The following SMTN variants were observed in gnomAD, a reference collection of about 807,000 sequenced individuals.
SMTN encodes smoothelin.
SMTN carries 58 observed loss-of-function variants against 102.0 expected under a neutral mutation model. The observed-to-expected ratio is 0.57, with a 90% CI of 0.46 to 0.71. SMTN has a LOEUF of 0.71. Among genes scored for constraint, SMTN ranks in the 30% least tolerant of loss-of-function variants. The pLI, the probability that SMTN is intolerant of heterozygous loss-of-function variation, is 0.00. For synonymous variants in SMTN, 478 were observed against 497.9 expected (o/e 0.96, Z 0.53); for missense variants, 1,185 against 1,241.7 (o/e 0.95, Z 0.69).
chr22:31,076,231 A>G (rs746288424), intron 1 of SMTN, among the ~76,000 whole-genome samples: 1 of 152,210 alleles, frequency 6.6e-6, no homozygotes, highest in Non-Finnish European at 1.5e-5. Flanking sequence ...GGGAAGATGC[A>G]GAGCCCTTCT....
In SMTN at chr22:31,082,826, C is replaced by T. The variant is rs577372022; in HGVS notation, c.-80-353C>T. On this transcript the variant is annotated intron_variant, in intron 1 of 20. Transcript: ENST00000333137. ...GGGCAGGAAACTGGAGACTGGAGTG[C>T]ACCCCCTGGTGGTAAGCACAGCTTG... The T allele has an allele frequency of 4.7e-4, 699 of 1,489,892 alleles. 7 individuals carry two copies. The South Asian group carries it at 5.2e-3, about 11-fold the overall frequency. 92.3% of individuals were successfully genotyped at this position (1,489,892 alleles called of 1,614,324 possible). A position where few individuals can be genotyped will look rare whatever the true frequency, so the allele number is the denominator to read the frequency against.
chr22:31,072,272 C>T (rs1305047206), intron 1 of SMTN, among the ~76,000 whole-genome samples: 3 of 152,110 alleles, frequency 2.0e-5, no homozygotes, highest in Non-Finnish European at 4.4e-5. Flanking sequence ...GATGAGGAAA[C>T]TGAGGCCTAG....
intron 3 of SMTN, 188 bp downstream of exon 3, chr22:31,088,301 G>A (rs572712828): frequency 1.9e-5 from 16 of 829,154 alleles, no homozygotes; most frequent in South Asian, 1.1e-4. Context: ...TTGTGGCGTC[G>A]CGGCCGTGCT....
At chr22:31,083,470 G>C in intron 2 of SMTN, 161 bp downstream of exon 2, 1 of 865,092 alleles carries the variant, frequency 1.2e-6, no homozygotes, top group Non-Finnish European at 1.7e-6. Flanking sequence ...GGCTGATGCA[G>C]AGGCCCTTGT....
chr22:31,099,759 G>C lies in SMTN; in HGVS notation c.2466G>C (p.Gln822His). 1.2e-6 allele frequency: 2 copies of C among 1,614,032 alleles called. No individual in the cohort carries two copies. Among genetic ancestry groups the C allele is most frequent in the Non-Finnish European group, 1.7e-6 (2 of 1,179,920 alleles). ...ACGGCTTATAGCACGTCGACATCCA[G>C]AACTTCTCCTCCAGCTGGAGTGATG... Reference protein sequence around the residue: ...KTRGYEHVDIQNFSSSWSDGM... With the variant: ...KTRGYEHVDIHNFSSSWSDGM... Residue 822 changes from glutamine to histidine, a missense_variant, in exon 19 of 21, where the codon CAG (glutamine) becomes CAC (histidine). By Grantham distance (24) the Gln-to-His change is conservative. Coordinates refer to ENST00000333137, the MANE Select transcript of SMTN (RefSeq NM_134269.3).
At chr22:31,072,823 ATC>A (rs1442078797) in intron 1 of SMTN, among the ~76,000 whole-genome samples, 2 of 151,184 alleles carry the variant, frequency 1.3e-5, no homozygotes, top group Non-Finnish European at 2.9e-5. Flanking sequence ...GCAGTGGGCA[ATC>A]TCTGCTTACT....
Position 31,089,748 on chromosome 22 carries a change from C to G in SMTN, c.521C>G (p.Thr174Ser), listed in dbSNP as rs555099143. 119 of 1,609,916 alleles carry G rather than the reference C, an allele frequency of 7.4e-5. No individual in the cohort carries two copies. The East Asian group carries it at 9.1e-4, about 12-fold the overall frequency. ...CAGCAGGCAGAGGTTTCAAAGCCAA[C>G]CCCCACCCCTGAAGGCACCAGCCAG... ...QEQQAEVSKP[T>S]PTPEGTSQDV... Residue 174 changes from threonine (T) to serine (S), a missense_variant, in exon 7 of 21, where the codon ACC becomes AGC. Transcript: ENST00000333137.
At chr22:31,096,955 C>T in intron 14 of SMTN, 43 bp from the exon 15 acceptor site, 3 of 1,612,876 alleles carry the variant, frequency 1.9e-6, no homozygotes, top group South Asian at 2.2e-5. Flanking sequence ...CCTCCCCCAG[C>T]CCCCTGTGCC....
chr22:31,074,411 GC>G (rs1159027823), intron 1 of SMTN, among the ~76,000 whole-genome samples: 2 of 152,054 alleles, frequency 1.3e-5, no homozygotes, highest in Non-Finnish European at 2.9e-5. Flanking sequence ...TAGAATCACA[GC>G]CCTGGGCTTA....
In SMTN at chr22:31,091,689, C is replaced by T. The variant is rs923226642; in HGVS notation, c.1474C>T (p.Leu492=). 6.3e-7 allele frequency: 1 copy of T among 1,596,014 alleles called. No individual in the cohort carries two copies. The highest frequency in any genetic ancestry group is 1.7e-5 in the Admixed American group (1 of 58,838). Residue 492 remains leucine, a synonymous_variant, in exon 11 of 21, where the codon CTG becomes TTG. Coordinates refer to ENST00000333137, the MANE Select transcript of SMTN (RefSeq NM_134269.3). ...TCCCCACTCAGAACTGACACTGGGG[C>T]TGCGGGCGCCCCCGACCCTACTCAG... The part of the protein sequence containing the change: ...GNQRAELTLG[L]RAPPTLLSTS...
intron 1 of SMTN, chr22:31,082,772 G>A: frequency 1.6e-6 from 2 of 1,256,158 alleles, no homozygotes; most frequent in South Asian, 1.5e-5. Flanking sequence ...GTGGGTGGGG[G>A]CTGGGTAGGC....
At chr22:31,083,885 A>G (rs2042478129) in intron 2 of SMTN, among the ~76,000 whole-genome samples, 1 of 152,250 alleles carries the variant, frequency 6.6e-6, no homozygotes. Flanking sequence ...GGGAAAGTCA[A>G]GGCTGGACGA....
intron 11 of SMTN, chr22:31,092,410 A>G: frequency 2.1e-6 from 1 of 467,272 alleles, no homozygotes; most frequent in South Asian, 1.6e-5. Flanking sequence ...GCAGCAGCCT[A>G]GCAGGTGCCT....
upstream of SMTN, among the ~76,000 whole-genome samples, chr22:31,077,371 C>T (rs983226941): frequency 5.5e-5 from 8 of 146,334 alleles, no homozygotes; most frequent in Non-Finnish European, 9.0e-5. Context: ...CAGAGTGAGA[C>T]TCTGTCTCAA....
intron 16 of SMTN, among the ~76,000 whole-genome samples, chr22:31,097,641 T>C (rs369653979): frequency 6.4e-4 from 97 of 151,456 alleles, no homozygotes; most frequent in East Asian, 3.5e-3. Flanking sequence ...GAGGCGGAGG[T>C]TGCAGTGAGC....
At chr22:31,102,386 AG>A (rs1020148531) in intron 20 of SMTN, 12 of 152,246 alleles carry the variant, frequency 7.9e-5, no homozygotes, top group African/African-American at 2.9e-4. Flanking sequence ...GATTGAAAAT[AG>A]AGGCCCAGAA....
At chr22:31,087,902 G>A (rs961380036) in intron 2 of SMTN, 63 bp from the exon 3 acceptor site, 4 of 1,506,048 alleles carry the variant, frequency 2.7e-6, no homozygotes, top group African/African-American at 1.4e-5. Flanking sequence ...AGAGCCGTGG[G>A]CAGCTGGTGC....
At chr22:31,091,506 C>T in intron 10 of SMTN, 24 bp downstream of exon 10, 2 of 1,517,832 alleles carry the variant, frequency 1.3e-6, no homozygotes, top group East Asian at 2.3e-5. Flanking sequence ...ACTGCCTCCC[C>T]AATGGGGATG....
chr22:31,091,099 T>G lies in SMTN; in HGVS notation c.1076T>G (p.Leu359Arg), dbSNP rs997486329. 3 of 1,613,948 alleles carry G rather than the reference T, an allele frequency of 1.9e-6. No individual in the cohort carries two copies. The highest frequency in any genetic ancestry group is 1.7e-6 in the Non-Finnish European group (2 of 1,179,940). Residue 359 changes from leucine to arginine, a missense_variant, in exon 10 of 21, where the codon CTG (leucine) becomes CGG (arginine). Coordinates refer to ENST00000333137, the MANE Select transcript of SMTN (RefSeq NM_134269.3). ...DGTPQAALSP[L>R]TPARLLGPSL... ...ACACCCCAGGCTGCCCTAAGTCCCC[T>G]GACCCCCGCAAGGCTCCTGGGCCCC... is the stretch of plus-strand genomic sequence containing the variant.
Sources: gnomAD v4.1 joint callset for allele counts (sites outside exome capture counted in the v4.1 genomes callset) on GRCh38, gnomAD v4.1.1 for gene constraint, MANE v1.5 for transcripts, NCBI Gene and HGNC (gene_info 2026-07-23, HGNC 2026-07-21) for gene names.